STOX2: variants seen among roughly 807,000 people sequenced by gnomAD.
STOX2 encodes the protein storkhead-box protein 2.
Under a neutral mutation model 60.9 loss-of-function variants are expected in STOX2, and 28 were observed. The observed-to-expected ratio is 0.46, with a 90% confidence interval of 0.34 to 0.63. The LOEUF is 0.63. Among genes scored for constraint, STOX2 ranks in the 30% least tolerant of loss-of-function variants. STOX2 has a pLI of 0.01. For missense variants in STOX2, 1,024 were observed against 1,187.7 expected (o/e 0.86, Z 2.03); for synonymous variants, 472 against 463.9 (o/e 1.02, Z -0.22).
At chr4:183,891,282 G>C (rs1741201830) in intron 1 of STOX2, among the ~76,000 whole-genome samples, 2 of 126,216 alleles carry the variant, frequency 1.6e-5, no homozygotes, top group South Asian at 5.2e-4. Context: ...GTGTGTATGT[G>C]TGTATATGAT....
chr4:183,875,714 C>T (rs1027588022), intron 1 of STOX2, among the ~76,000 whole-genome samples: 2 of 152,148 alleles, frequency 1.3e-5, no homozygotes, highest in African/African-American at 4.8e-5. Flanking sequence ...TCGTTTTAGT[C>T]TCACATGAGT....
At chr4:184,003,137 G>C (rs549322184) in intron 2 of STOX2, among the ~76,000 whole-genome samples, 100 of 152,356 alleles carry the variant, frequency 6.6e-4, no homozygotes, top group African/African-American at 2.1e-3. Context: ...AGTGGTCTTG[G>C]AGGAAGGACC....
At position 184,009,147 on chromosome 4, in the gene STOX2, T is replaced by TC; in HGVS notation, c.320-11_320-10insC. The TC allele has an allele frequency of 7.0e-7, 1 of 1,434,354 alleles. No individual in the cohort carries two copies. The highest frequency in any genetic ancestry group is 9.3e-7 in the Non-Finnish European group (1 of 1,079,442). The allele number at this position is 1,434,354 out of a possible 1,614,324, so 88.9% of individuals were successfully genotyped here. ...CATTCTCACAAGTGGTTTTTTTTTT[T>TC]TTTTTTTCAGGTGTTCCAACGCCAA... On this transcript the variant is annotated splice_polypyrimidine_tract_variant and intron_variant, in intron 2 of 3. Coordinates refer to ENST00000308497, the MANE Select transcript of STOX2 (RefSeq NM_020225.3). This position sits in a 1 kb window ranked among gnomAD's most constrained non-coding sequence, Gnocchi z 4.0.
intron 1 of STOX2, among the ~76,000 whole-genome samples, chr4:183,827,898 G>GA (rs1579309554): frequency 6.8e-6 from 1 of 146,656 alleles, no homozygotes; most frequent in African/African-American, 2.5e-5. Context: ...AAAAAAGAAA[G>GA]AAAAAAAGAC....
chr4:183,963,831 A>T (rs1409898059), intron 1 of STOX2, among the ~76,000 whole-genome samples: 2 of 148,536 alleles, frequency 1.3e-5, no homozygotes, highest in South Asian at 2.1e-4. Context: ...GCTGGAGTGC[A>T]GTGGCATGAT....
intron 1 of STOX2, among the ~76,000 whole-genome samples, chr4:183,804,630 A>G (rs936093712): frequency 6.6e-6 from 1 of 152,212 alleles, no homozygotes; most frequent in African/African-American, 2.4e-5. Flanking sequence ...GCTCCTAAAG[A>G]AGCTTATCTC....
At chr4:183,895,066 A>G (rs1017067879) in intron 1 of STOX2, among the ~76,000 whole-genome samples, 1 of 152,178 alleles carries the variant, frequency 6.6e-6, no homozygotes, top group East Asian at 1.9e-4. Flanking sequence ...TACGGAGGCA[A>G]TGGAGTGAGG....
At chr4:183,955,260 A>G (rs10213203) in intron 1 of STOX2, among the ~76,000 whole-genome samples, 88,048 of 152,116 alleles carry the variant, frequency 0.58, 26,393 homozygotes, top group African/African-American at 0.72. Flanking sequence ...TGATGACTAC[A>G]TAACTTTTAT....
chr4:183,953,247 A>G (rs950994635), intron 1 of STOX2, among the ~76,000 whole-genome samples: 2 of 152,088 alleles, frequency 1.3e-5, no homozygotes, highest in Admixed American at 1.3e-4. Flanking sequence ...TTTTTTTTAA[A>G]GAAGTGTATT....
intron 1 of STOX2, among the ~76,000 whole-genome samples, chr4:183,929,154 C>T (rs990120996): frequency 1.3e-5 from 2 of 152,154 alleles, no homozygotes; most frequent in African/African-American, 4.8e-5. Flanking sequence ...TAGTCATGAT[C>T]AAAAACATGG....
Position 184,020,844 on chromosome 4 carries a change from G to A in STOX2, c.*3560G>A, listed in dbSNP as rs1034708744. Reference sequence around the variant, plus strand: ...AGTAACAATGATCTGAACACCAGCTGTTCCCAGGTCCCTCTTTTTCATAGC... The same window carrying A: ...AGTAACAATGATCTGAACACCAGCTATTCCCAGGTCCCTCTTTTTCATAGC... On this transcript the variant is annotated 3_prime_UTR_variant, in exon 4 of 4. Transcript: ENST00000308497. 6.6e-6 allele frequency: 1 copy of A among 152,218 alleles called. No homozygotes were observed. The highest frequency in any genetic ancestry group is 1.9e-4 in the East Asian group (1 of 5,200). 9.4% of individuals were successfully genotyped at this position (152,218 alleles called of 1,614,324 possible).
chr4:183,824,116 C>T lies in STOX2; in HGVS notation c.364+26061C>T, dbSNP rs147373800. ...GTTAGAACAATTCAGCAGTTGTATA[C>T]ATACAATGGTTTTTTTGAGCTTTAG... On this transcript the variant is annotated intron_variant, in intron 1 of 2. Transcript: ENST00000513034. 1.8e-3 allele frequency among the ~76,000 whole-genome samples: 281 copies of T among 152,310 alleles called. 4 individuals are homozygous for T. The highest frequency in any genetic ancestry group is 6.5e-3 in the African/African-American group (270 of 41,562).
chr4:184,015,736 A>T (rs1481580081), intron 3 of STOX2: 1 of 152,254 alleles, frequency 6.6e-6, no homozygotes, highest in African/African-American at 2.4e-5. Context: ...AACTAGCTCT[A>T]GCAGGCTTAA....
At chr4:183,892,379 C>A (rs985898896) in intron 1 of STOX2, among the ~76,000 whole-genome samples, 2 of 152,132 alleles carry the variant, frequency 1.3e-5, no homozygotes, top group Non-Finnish European at 2.9e-5. Flanking sequence ...CCCGGGTTCA[C>A]GCCATTCTCC....
chr4:183,863,848 C>T (rs920698366), intron 1 of STOX2, among the ~76,000 whole-genome samples: 6 of 152,112 alleles, frequency 3.9e-5, no homozygotes, highest in Admixed American at 6.5e-5. Flanking sequence ...TTTACACAAC[C>T]GTATCTGAAC....
chr4:183,887,307 C>T (rs1271134044), intron 1 of STOX2, among the ~76,000 whole-genome samples: 9 of 151,422 alleles, frequency 5.9e-5, no homozygotes, highest in Non-Finnish European at 1.3e-4. Flanking sequence ...TGTACAGGGA[C>T]GTCATAGCTA....
At chr4:183,954,420 C>G (rs1457438322) in intron 1 of STOX2, among the ~76,000 whole-genome samples, 5 of 151,974 alleles carry the variant, frequency 3.3e-5, no homozygotes, top group Non-Finnish European at 7.4e-5. Flanking sequence ...TCCTGAGTAG[C>G]TGGGATTACA....
intron 1 of STOX2, among the ~76,000 whole-genome samples, chr4:183,841,580 C>T (rs951832104): frequency 1.2e-4 from 19 of 152,270 alleles, no homozygotes; most frequent in African/African-American, 4.3e-4. Flanking sequence ...TGTGCTCAGC[C>T]TGCTTCTTAT....
chr4:183,938,669 C>CAAAAAAAA (rs10577405), intron 1 of STOX2, among the ~76,000 whole-genome samples: 2 of 82,510 alleles, frequency 2.4e-5, no homozygotes, highest in Admixed American at 1.5e-4. Flanking sequence ...ACTCCGTCTC[C>CAAAAAAAA]AAAAAAAAAA....
Sources: gnomAD v4.1 joint callset for allele counts (sites outside exome capture counted in the v4.1 genomes callset) on GRCh38, gnomAD v4.1.1 for gene constraint, Gnocchi (gnomAD v3.1) non-coding constraint, MANE v1.5 for transcripts, NCBI Gene and HGNC (gene_info 2026-07-23, HGNC 2026-07-21) for gene names.